The following TFEB variants were observed in gnomAD, a reference collection of about 807,000 sequenced individuals.
TFEB encodes T-cell transcription factor EB.
A neutral mutation model predicts 48.0 loss-of-function variants in TFEB; 12 were observed. The ratio of observed to expected loss-of-function variants is 0.25; its 90% CI spans 0.16 to 0.40. The LOEUF (loss-of-function observed/expected upper bound fraction) is 0.40, where lower values mean the gene tolerates loss of function less well. TFEB is among the 10% of genes least tolerant of loss of function. The probability of loss-of-function intolerance (pLI) is 1.00; values close to 1 mark genes in which losing one functional copy is unlikely to be tolerated. For missense variants in TFEB, 509 were observed against 640.3 expected, an observed-to-expected ratio of 0.79 and a Z score of 2.21; for synonymous variants, 244 against 261.4, an observed-to-expected ratio of 0.93 and a Z score of 0.64.
chr6:41,697,253 CA>C (rs1434297157), intron 1 of TFEB, among the ~76,000 whole-genome samples: 1 of 151,592 alleles, frequency 6.6e-6, no homozygotes, highest in African/African-American at 2.4e-5. Context: ...ACTAAAAATA[CA>C]AAAATTAGCC....
chr6:41,703,847 A>G (rs549209038), intron 1 of TFEB, among the ~76,000 whole-genome samples: 2 of 152,308 alleles, frequency 1.3e-5, no homozygotes, highest in Admixed American at 6.5e-5. Context: ...AGGCGTTCAC[A>G]TATCCCCTGT....
At chr6:41,709,529 GTGGATGGA>G (rs10604830) in intron 1 of TFEB, among the ~76,000 whole-genome samples, 32,369 of 149,314 alleles carry the variant, frequency 0.22, 3,601 homozygotes, top group Admixed American at 0.27. Context: ...ATAATGGTTG[GTGGATGGA>G]TGGATGGATG....
intron 1 of TFEB, among the ~76,000 whole-genome samples, chr6:41,697,197 CAGG>C (rs1485563257): frequency 2.6e-5 from 4 of 151,892 alleles, no homozygotes; most frequent in African/African-American, 7.3e-5. Flanking sequence ...CACTTGAGGT[CAGG>C]AGTTCAAGAC....
Position 41,691,184 on chromosome 6 carries a change from C to T in TFEB, c.30G>A (p.Gln10=). The change falls in exon 2 of 9, where the codon CAG becomes CAA. Residue 10 remains glutamine, a synonymous_variant. Coordinates refer to ENST00000373033, the MANE Select transcript of TFEB (RefSeq NM_001271944.2). The surrounding 1 kb of genome is among the most constrained non-coding windows in gnomAD (Gnocchi z 5.2). ...CCTGCTGCGCCTGCTCCCGCATGAG[C>T]TGCATGCGCAACCCTATGCGTGACG... MASRIGLRM[Q]LMREQAQQEE... 3 of 1,589,874 alleles carry T rather than the reference C, an allele frequency of 1.9e-6. No individual in the cohort carries two copies. The East Asian group carries it at 6.8e-5, about 36-fold the overall frequency.
intron 1 of TFEB, among the ~76,000 whole-genome samples, chr6:41,725,191 A>G (rs1486682304): frequency 6.6e-6 from 1 of 152,198 alleles, no homozygotes; most frequent in Admixed American, 6.5e-5. Flanking sequence ...GAGTTTCTCA[A>G]CCTCAACACC....
intron 1 of TFEB, among the ~76,000 whole-genome samples, chr6:41,714,096 CGTGTGTGTGT>C (rs1044529324): frequency 2.0e-5 from 3 of 150,376 alleles, no homozygotes; most frequent in African/African-American, 7.3e-5. Context: ...CCTGTGTGTG[CGTGTGTGTGT>C]GCACGTGTGT....
chr6:41,690,175 G>C (rs1769223485), intron 3 of TFEB, among the ~76,000 whole-genome samples: 1 of 151,164 alleles, frequency 6.6e-6, no homozygotes, highest in South Asian at 2.1e-4. Context: ...CTGTCGCCCA[G>C]GCTGAAGTGC....
At chr6:41,696,064 C>T (rs1282905439) in intron 1 of TFEB, among the ~76,000 whole-genome samples, 1 of 152,244 alleles carries the variant, frequency 6.6e-6, no homozygotes, top group African/African-American at 2.4e-5. Flanking sequence ...AGCTGGAGGG[C>T]CAGGGCCCCA....
chr6:41,717,105 A>C (rs779456570), intron 1 of TFEB, among the ~76,000 whole-genome samples: 2 of 152,178 alleles, frequency 1.3e-5, no homozygotes, highest in Non-Finnish European at 2.9e-5. Context: ...ACCAACTCCC[A>C]GCAGGAAACT....
At chr6:41,685,790 A>C (rs767204922) in intron 8 of TFEB, among the ~76,000 whole-genome samples, 5 of 152,352 alleles carry the variant, frequency 3.3e-5, no homozygotes, top group Middle Eastern at 3.4e-3. Flanking sequence ...GACATGTGGC[A>C]CCTTAAGAGT....
At chr6:41,725,727 A>G (rs1033978623) in intron 1 of TFEB, among the ~76,000 whole-genome samples, 12 of 152,220 alleles carry the variant, frequency 7.9e-5, no homozygotes, top group African/African-American at 2.9e-4. Context: ...ATGCATGAAT[A>G]TATTATAGAT....
rs1561871888 is a variant in TFEB at position 41,723,688 on chromosome 6, G to GC, written c.-23+11661dup. On this transcript the variant is annotated intron_variant, in intron 1 of 8. Coordinates refer to ENST00000373033, the MANE Select transcript of TFEB (RefSeq NM_001271944.2). This position sits in a 1 kb window ranked among gnomAD's most constrained non-coding sequence, Gnocchi z 6.0. Reference sequence around the variant, plus strand: ...TTACTCACAGCACAGAGGGAACTGCGCCCCGACGGCACAGTCCCACACCGC... The same window carrying GC: ...TTACTCACAGCACAGAGGGAACTGCGCCCCCGACGGCACAGTCCCACACCGC... 3 of 473,008 alleles carry GC rather than the reference G, an allele frequency of 6.3e-6. No homozygotes were observed. The highest frequency in any genetic ancestry group is 2.0e-5 in the African/African-American group (1 of 49,016). The allele number at this position is 473,008 out of a possible 1,614,324, so 29.3% of individuals were successfully genotyped here. A position where few individuals can be genotyped will look rare whatever the true frequency, so the allele number is the denominator to read the frequency against.
At chr6:41,707,461 C>T (rs1009615331) in intron 1 of TFEB, among the ~76,000 whole-genome samples, 2 of 152,166 alleles carry the variant, frequency 1.3e-5, no homozygotes, top group African/African-American at 2.4e-5. Context: ...TGTGACTTGG[C>T]GTGCCTGCCT....
intron 1 of TFEB, chr6:41,733,512 G>T (rs1771536869): frequency 1.8e-6 from 1 of 555,192 alleles, no homozygotes; most frequent in Non-Finnish European, 2.3e-6. Context: ...GAGAAGCAGA[G>T]CATGGAGTCA....
Position 41,687,937 on chromosome 6 carries a change from G to A in TFEB, c.641C>T (p.Ala214Val), listed in dbSNP as rs370711905. ...LVGVTSSSCP[A>V]DLTQKRELTD... ...GAGCTCTCGCTTCTGGGTCAGGTCCGCAGGGCAGGAGCTGCTGGTGACGCC... is the reference window on the plus strand; with the variant it reads ...GAGCTCTCGCTTCTGGGTCAGGTCCACAGGGCAGGAGCTGCTGGTGACGCC... The change falls in exon 5 of 9, where the codon GCG becomes GTG. Residue 214 changes from alanine to valine, a missense_variant. Ala to Val is a moderately conservative substitution (Grantham distance 64). Transcript: ENST00000373033. 2.4e-5 allele frequency: 39 copies of A among 1,613,882 alleles called. No homozygotes were observed. Among genetic ancestry groups the A allele is most frequent in the Non-Finnish European group, 3.1e-5 (37 of 1,179,914 alleles).
rs772348724 is a variant in TFEB at position 41,702,412 on chromosome 6, CATAG to C, written c.-22-11181_-22-11178del. Among the ~76,000 whole-genome samples, 364 of 152,216 alleles carry C rather than the reference CATAG, an allele frequency of 2.4e-3. 2 individuals are homozygous for C. The highest frequency in any genetic ancestry group is 3.9e-3 in the Non-Finnish European group (265 of 68,012). ...AGGGATCAGAGATCTGGCACCAGACCATAGTGAGGTGAGGGTGGTAAGGGTTGGG... is the reference window on the plus strand; with the variant it reads ...AGGGATCAGAGATCTGGCACCAGACCTGAGGTGAGGGTGGTAAGGGTTGGG... On this transcript the variant is annotated intron_variant, in intron 1 of 8. Transcript: ENST00000373033.
Position 41,691,258 on chromosome 6 carries a change from G to T in TFEB, c.-22-23C>A, listed in dbSNP as rs751663851. ...TCCCTGTGGATGAGAAGGGGCAGCAGGTATATGAGGCACGTGTCCTCCTCA... is the reference window on the plus strand; with the variant it reads ...TCCCTGTGGATGAGAAGGGGCAGCATGTATATGAGGCACGTGTCCTCCTCA... On this transcript the variant is annotated intron_variant, in intron 1 of 8. Transcript: ENST00000373033. This position sits in a 1 kb window ranked among gnomAD's most constrained non-coding sequence, Gnocchi z 5.2. The T allele has an allele frequency of 5.8e-6, 9 of 1,553,186 alleles. No individual in the cohort carries two copies. In the South Asian group the frequency reaches 1.1e-4, roughly 18 times the overall value.
chr6:41,684,788 G>T lies in TFEB; in HGVS notation c.1242C>A (p.Pro414=), dbSNP rs755294100. ...GREDEGPPGY[P]EPLAPGHGSP... Reference sequence around the variant, plus strand: ...AGCCATGCCCCGGCGCCAGGGGTTCGGGGTAGCCCGGGGGACCCTCGTCCT... The same window carrying T: ...AGCCATGCCCCGGCGCCAGGGGTTCTGGGTAGCCCGGGGGACCCTCGTCCT... Residue 414 remains proline (P), a synonymous_variant, in exon 9 of 9, where the codon CCC becomes CCA. Coordinates refer to ENST00000373033, the MANE Select transcript of TFEB (RefSeq NM_001271944.2). 8.1e-6 allele frequency: 13 copies of T among 1,607,868 alleles called. No homozygotes were observed. The highest frequency in any genetic ancestry group is 1.1e-5 in the Non-Finnish European group (13 of 1,177,082).
chr6:41,689,162 G>T (rs1769166658), intron 4 of TFEB, among the ~76,000 whole-genome samples: 1 of 152,162 alleles, frequency 6.6e-6, no homozygotes, highest in South Asian at 2.1e-4. Context: ...CAGAAGCCAG[G>T]CTTCTTGACT....
Sources: gnomAD v4.1 joint callset for allele counts (sites outside exome capture counted in the v4.1 genomes callset) on GRCh38, gnomAD v4.1.1 for gene constraint, Gnocchi (gnomAD v3.1) non-coding constraint, MANE v1.5 for transcripts, NCBI Gene and HGNC (gene_info 2026-07-23, HGNC 2026-07-21) for gene names.